LRRFIP1: variants seen among roughly 807,000 people sequenced by gnomAD.
LRRFIP1 encodes the protein leucine-rich repeat flightless-interacting protein 1.
In LRRFIP1, 62 loss-of-function variants were observed where a neutral mutation model predicts 104.4. The observed-to-expected ratio is 0.59, with a 90% CI of 0.48 to 0.73. The LOEUF is 0.73. LRRFIP1 is among the 30% of genes least tolerant of loss of function. LRRFIP1 has a pLI of 0.00. For synonymous variants in LRRFIP1, 300 were observed against 299.0 expected (o/e 1.00, Z -0.03); for missense variants, 796 against 824.5 (o/e 0.97, Z 0.42).
chr2:237,648,687 T>C (rs957244009), intron 1 of LRRFIP1, among the ~76,000 whole-genome samples: 7 of 151,652 alleles, frequency 4.6e-5, no homozygotes, highest in Admixed American at 2.0e-4. Context: ...ACAGAAACCA[T>C]CTTCCCAGAA....
In LRRFIP1 at chr2:237,703,011, G is replaced by A. The variant is rs528200988; in HGVS notation, c.97-5533G>A. Among the ~76,000 whole-genome samples the A allele has an allele frequency of 2.6e-4, 40 of 152,282 alleles. No individual in the cohort carries two copies. The South Asian group carries it at 7.9e-3, about 30-fold the overall frequency. ...AGAGAAAGGAGGCTTCAGGGTGTAG[G>A]ACCCCAGGAGCAGGCAAGGGCTTGC... On this transcript the variant is annotated intron_variant, in intron 1 of 23. Coordinates refer to ENST00000308482, the MANE Select transcript of LRRFIP1 (RefSeq NM_001137550.2). The surrounding 1 kb of genome is among the most constrained non-coding windows in gnomAD (Gnocchi z 4.3).
rs1470687518 is a variant in LRRFIP1, at chr2:237,711,782, C to T, written c.184-2477C>T. Among the ~76,000 whole-genome samples, 3 of 152,128 alleles carry T rather than the reference C, an allele frequency of 2.0e-5. No homozygotes were observed. The highest frequency in any genetic ancestry group is 7.2e-5 in the African/African-American group (3 of 41,422). Reference sequence around the variant, plus strand: ...TGAGTGAGGACACCGAGTGAAGCAGCTCTACCGGGGGGTGGGGAAGCCACT... The same window carrying T: ...TGAGTGAGGACACCGAGTGAAGCAGTTCTACCGGGGGGTGGGGAAGCCACT... On this transcript the variant is annotated intron_variant, in intron 2 of 23. Transcript: ENST00000308482. The surrounding 1 kb of genome is among the most constrained non-coding windows in gnomAD (Gnocchi z 4.4).
intron 5 of LRRFIP1, among the ~76,000 whole-genome samples, chr2:237,719,940 CTTTTTTT>C (rs57355213): frequency 0.22 from 22,831 of 103,758 alleles, 1,587 homozygotes; most frequent in South Asian, 0.32. Flanking sequence ...GATGAAATTA[CTTTTTTT>C]TTTTTTTTTT....
intron 2 of LRRFIP1, 125 bp downstream of exon 2, chr2:237,708,755 C>T (rs1249204282): frequency 4.6e-6 from 5 of 1,087,094 alleles, no homozygotes; most frequent in Admixed American, 2.0e-5. Context: ...GGTCAGAGTG[C>T]GTTTGCGCCT....
At chr2:237,673,891 C>T (rs1294119933) in intron 1 of LRRFIP1, among the ~76,000 whole-genome samples, 2 of 150,684 alleles carry the variant, frequency 1.3e-5, no homozygotes, top group East Asian at 2.0e-4. Flanking sequence ...GAGTGGTGGG[C>T]GTTTCCTGAC....
intron 1 of LRRFIP1, among the ~76,000 whole-genome samples, chr2:237,632,774 G>T (rs1363588160): frequency 8.1e-6 from 1 of 123,330 alleles, no homozygotes; most frequent in Non-Finnish European, 1.9e-5. Flanking sequence ...TGGCTCCTCT[G>T]GGGTGGAGAG....
intron 7 of LRRFIP1, among the ~76,000 whole-genome samples, chr2:237,727,499 A>G (rs1272310461): frequency 6.6e-6 from 1 of 152,228 alleles, no homozygotes; most frequent in Non-Finnish European, 1.5e-5. Flanking sequence ...TCGGCCTGGC[A>G]TGTGGCTTCT....
intron 1 of LRRFIP1, among the ~76,000 whole-genome samples, chr2:237,701,376 C>T (rs1328980978): frequency 6.6e-6 from 1 of 152,252 alleles, no homozygotes; most frequent in Non-Finnish European, 1.5e-5. Flanking sequence ...ACTCCCACTG[C>T]CTACAACACC....
intron 1 of LRRFIP1, among the ~76,000 whole-genome samples, chr2:237,663,796 T>C (rs1355523675): frequency 6.6e-6 from 1 of 151,626 alleles, no homozygotes; most frequent in Non-Finnish European, 1.5e-5. Flanking sequence ...GAATGTTGCC[T>C]TGAGGCAGCT....
chr2:237,732,506 C>A (rs577360153), intron 8 of LRRFIP1, among the ~76,000 whole-genome samples: 1 of 152,348 alleles, frequency 6.6e-6, no homozygotes, highest in Admixed American at 6.5e-5. Context: ...TCAGCCTCCT[C>A]TACACAAAGT....
At chr2:237,723,461 G>A in intron 6 of LRRFIP1, 87 bp from the exon 7 acceptor site, 3 of 1,276,388 alleles carry the variant, frequency 2.4e-6, no homozygotes, top group Non-Finnish European at 3.4e-6. Context: ...AAGATTGCTT[G>A]TATTTATGTT....
Position 237,717,655 on chromosome 2 carries a change from CA to C in LRRFIP1, c.202-106del, listed in dbSNP as rs1376314713. On this transcript the variant is annotated intron_variant, in intron 3 of 23. Coordinates refer to ENST00000308482, the MANE Select transcript of LRRFIP1 (RefSeq NM_001137550.2). The surrounding 1 kb of genome is among the most constrained non-coding windows in gnomAD (Gnocchi z 4.2). ...TTGCCTTGGCGTGTTACCTTCACCA[CA>C]CGGCTGGATGGCGGTTTGGAAATGC... is the stretch of plus-strand genomic sequence containing the variant. 3.4e-6 allele frequency: 3 copies of C among 894,302 alleles called. No individual in the cohort carries two copies. The highest frequency in any genetic ancestry group is 5.7e-6 in the Non-Finnish European group (3 of 524,446). The allele number at this position is 894,302 out of a possible 1,614,324, so 55.4% of individuals were successfully genotyped here.
chr2:237,753,840 GTA>G (rs1333278562), intron 15 of LRRFIP1, among the ~76,000 whole-genome samples: 11 of 145,376 alleles, frequency 7.6e-5, no homozygotes, highest in African/African-American at 2.1e-4. Flanking sequence ...GTGTGTGTGT[GTA>G]TGTATGTATG....
chr2:237,712,786 C>G (rs371272190), intron 2 of LRRFIP1, among the ~76,000 whole-genome samples: 1 of 152,170 alleles, frequency 6.6e-6, no homozygotes, highest in Non-Finnish European at 1.5e-5. Context: ...GGTGCACTGA[C>G]GACACCTCCC....
At chr2:237,730,738 G>A (rs1029972928) in intron 8 of LRRFIP1, among the ~76,000 whole-genome samples, 5 of 152,194 alleles carry the variant, frequency 3.3e-5, no homozygotes, top group African/African-American at 1.2e-4. Flanking sequence ...CTAACACGAT[G>A]AAACCCCGTC....
intron 1 of LRRFIP1, among the ~76,000 whole-genome samples, chr2:237,636,512 C>G (rs1477284178): frequency 1.3e-5 from 2 of 152,018 alleles, no homozygotes; most frequent in African/African-American, 4.8e-5. Flanking sequence ...TAATGCAGTA[C>G]CTTTTCTTAC....
At chr2:237,714,370 A>C (rs941033166) in intron 3 of LRRFIP1, 94 bp downstream of exon 3, 1 of 966,426 alleles carries the variant, frequency 1.0e-6, no homozygotes, top group Admixed American at 2.3e-5. Context: ...CTTGCACTGA[A>C]GATACATAGA....
At chr2:237,704,633 T>G (rs1309966772) in intron 1 of LRRFIP1, among the ~76,000 whole-genome samples, 1 of 152,214 alleles carries the variant, frequency 6.6e-6, no homozygotes, top group African/African-American at 2.4e-5. Flanking sequence ...GTAAGCTAAG[T>G]TGCCACTTCC....
At chr2:237,765,898 CATTTT>C (rs2060225860) in intron 19 of LRRFIP1, 1 of 984,964 alleles carries the variant, frequency 1.0e-6, no homozygotes, top group Non-Finnish European at 1.2e-6. Context: ...GAAATAAAAA[CATTTT>C]ATAATTGTGC....
Sources: allele counts gnomAD v4.1 joint callset (sites outside exome capture counted in the v4.1 genomes callset), GRCh38; gene constraint gnomAD v4.1.1; non-coding constraint Gnocchi (gnomAD v3.1); transcripts MANE v1.5; gene names NCBI Gene and HGNC (gene_info 2026-07-23, HGNC 2026-07-21).